The following ARHGDIB variants were observed in gnomAD, a reference collection of about 807,000 sequenced individuals.
The protein encoded by ARHGDIB is Rho GDP dissociation inhibitor beta, also known as rho GDP-dissociation inhibitor 2.
Under a neutral mutation model 22.6 loss-of-function variants are expected in ARHGDIB, and 20 were observed. The observed-to-expected ratio is 0.88, with a 90% confidence interval of 0.62 to 1.28. ARHGDIB has a LOEUF of 1.28. Among genes scored for constraint, ARHGDIB ranks in the 50% most tolerant of loss-of-function variants. The pLI is 0.00. For synonymous variants in ARHGDIB, 114 were observed against 96.1 expected, an observed-to-expected ratio of 1.19 and a Z score of -1.09; for missense variants, 254 against 245.4, an observed-to-expected ratio of 1.04 and a Z score of -0.23.
rs148366885 is a variant in ARHGDIB at position 14,960,063 on chromosome 12, C to A, written c.-13+1474G>T. ...CAACAGGTGCCATGGTCCTCTTGAT[C>A]TCCTGTGCCTGACCATCCCTGCAGT... On this transcript the variant is annotated intron_variant, in intron 1 of 5. Transcript: ENST00000228945. Among the ~76,000 whole-genome samples the A allele has an allele frequency of 9.8e-3, 1,490 of 152,310 alleles. 24 individuals carry two copies. Among genetic ancestry groups the A allele is most frequent in the African/African-American group, 0.034 (1,398 of 41,558 alleles).
At chr12:14,960,507 T>A (rs1864387957) in intron 1 of ARHGDIB, among the ~76,000 whole-genome samples, 2 of 152,222 alleles carry the variant, frequency 1.3e-5, no homozygotes. Context: ...TCATTATTAA[T>A]ATTTTTATTT....
At chr12:14,961,233 G>C in intron 1 of ARHGDIB, 1 of 152,056 alleles carries the variant, frequency 6.6e-6, no homozygotes, top group Non-Finnish European at 1.5e-5. Flanking sequence ...ACCCCTCCAG[G>C]CACTCCCGGT....
chr12:14,943,541 G>T (rs1863933473), intron 5 of ARHGDIB, among the ~76,000 whole-genome samples: 1 of 152,088 alleles, frequency 6.6e-6, no homozygotes. Flanking sequence ...GTATATGATG[G>T]ACTTTAAGGA....
Position 14,944,807 on chromosome 12 carries a change from G to A in ARHGDIB, c.375C>T (p.Tyr125=), listed in dbSNP as rs368730823. ...CCCCAGTCCTGTAGGTGTGCTGAAC[G>A]TATTTCAGGCCTGACACAATATCCC... ...VNRDIVSGLK[Y]VQHTYRTGVK... is the part of the protein sequence containing the mutation. The change falls in exon 5 of 6, where the codon TAC becomes TAT. Residue 125 remains tyrosine, a synonymous_variant. Transcript: ENST00000228945. 4.0e-5 allele frequency: 64 copies of A among 1,613,442 alleles called. No individual in the cohort carries two copies. The highest frequency in any genetic ancestry group is 2.9e-4 in the South Asian group (26 of 90,966).
intron 1 of ARHGDIB, among the ~76,000 whole-genome samples, chr12:14,958,743 A>T (rs902158558): frequency 6.6e-6 from 1 of 152,220 alleles, no homozygotes; most frequent in Non-Finnish European, 1.5e-5. Flanking sequence ...TTGTGCTAAG[A>T]TTATTAGGCT....
At chr12:14,946,812 T>G (rs1287505054) in intron 4 of ARHGDIB, among the ~76,000 whole-genome samples, 1 of 152,200 alleles carries the variant, frequency 6.6e-6, no homozygotes, top group East Asian at 1.9e-4. Flanking sequence ...CATCAATGAT[T>G]AAAAATGAAA....
chr12:14,950,879 G>A (rs1426299191), intron 1 of ARHGDIB, 155 bp from the exon 2 acceptor site: 1 of 589,856 alleles, frequency 1.7e-6, no homozygotes, highest in Non-Finnish European at 2.8e-6. Flanking sequence ...TAAATTCTAT[G>A]AAATAATAAT....
At position 14,942,301 on chromosome 12, in the gene ARHGDIB, C is replaced by A; in HGVS notation, c.*221G>T. 1.8e-6 allele frequency: 1 copy of A among 567,994 alleles called. No individual in the cohort carries two copies. The allele number at this position is 567,994 out of a possible 1,614,324, so 35.2% of individuals were successfully genotyped here. A position where few individuals can be genotyped will look rare whatever the true frequency, so the allele number is the denominator to read the frequency against. ...GAGATGGAGACGTGGAAGATCTGGC[C>A]CTGATGGAGGATCAGAGGGAGCAGG... On this transcript the variant is annotated 3_prime_UTR_variant, in exon 6 of 6. Transcript: ENST00000228945.
intron 1 of ARHGDIB, among the ~76,000 whole-genome samples, chr12:14,960,281 G>C (rs1864384210): frequency 6.6e-6 from 1 of 152,178 alleles, no homozygotes; most frequent in South Asian, 2.1e-4. Context: ...GAAACATGCT[G>C]GCTGGGAAGT....
rs140719603 is a variant in ARHGDIB, at chr12:14,950,641, A to G, written c.72T>C (p.Tyr24=). The G allele has an allele frequency of 2.0e-5, 33 of 1,613,916 alleles. No homozygotes were observed. Among genetic ancestry groups the G allele is most frequent in the African/African-American group, 2.7e-5 (2 of 74,908 alleles). ...TCAGGGACTTCTGTGGTGGAGGCTT[A>G]TAATTGAGCTTGCTGTCCAGCTCAT... ...DDDELDSKLN[Y]KPPPQKSLKE... Residue 24 remains tyrosine (Y), a synonymous_variant, in exon 2 of 6, where the codon TAT becomes TAC. Transcript: ENST00000228945.
chr12:14,956,946 G>A (rs1864312875), intron 1 of ARHGDIB, among the ~76,000 whole-genome samples: 1 of 152,204 alleles, frequency 6.6e-6, no homozygotes, highest in Non-Finnish European at 1.5e-5. Flanking sequence ...GACTTTGAAA[G>A]TGAATTACAC....
At chr12:14,946,990 T>C (rs1864031361) in intron 4 of ARHGDIB, among the ~76,000 whole-genome samples, 1 of 152,190 alleles carries the variant, frequency 6.6e-6, no homozygotes, top group Non-Finnish European at 1.5e-5. Flanking sequence ...TTTTCAGTTA[T>C]ATTTGTATGG....
Position 14,946,109 on chromosome 12 carries a change from G to A in ARHGDIB, c.343-1270C>T, listed in dbSNP as rs150519616. Among the ~76,000 whole-genome samples, 9 of 152,282 alleles carry A rather than the reference G, an allele frequency of 5.9e-5. No individual in the cohort carries two copies. In the East Asian group the frequency reaches 1.5e-3, roughly 26 times the overall value. On this transcript the variant is annotated intron_variant, in intron 4 of 5. Transcript: ENST00000228945. The stretch of plus-strand genomic sequence containing the variant: ...TTTAATATAAATACATTTGGGGTGG[G>A]TGAAATAAAACTATGAATATTCATA...
At chr12:14,948,100 G>GCGCGCACACACACACACACACACA (rs71926892) in intron 3 of ARHGDIB, 151 bp from the exon 4 acceptor site, 1 of 410,012 alleles carries the variant, frequency 2.4e-6, no homozygotes, top group Non-Finnish European at 4.5e-6. Context: ...TTTAGTCCTT[G>GCGCGCACACACACACACACACACA]CACACACACA....
intron 2 of ARHGDIB, 146 bp from the exon 3 acceptor site, chr12:14,950,031 A>G: frequency 1.3e-6 from 1 of 750,908 alleles, no homozygotes; most frequent in Non-Finnish European, 2.1e-6. Flanking sequence ...CAGGTTTGCT[A>G]TGCTTGGTCT....
intron 3 of ARHGDIB, among the ~76,000 whole-genome samples, chr12:14,949,188 C>G (rs1323441454): frequency 6.6e-6 from 1 of 152,124 alleles, no homozygotes; most frequent in Non-Finnish European, 1.5e-5. Context: ...CCCATTTCCT[C>G]CACAATAACC....
chr12:14,947,543 G>A lies in ARHGDIB; in HGVS notation c.342+330C>T, dbSNP rs528787690. The A allele has an allele frequency of 3.7e-5, 8 of 214,438 alleles. No homozygotes were observed. In the South Asian group the frequency reaches 8.9e-4, roughly 24 times the overall value. 13.3% of individuals were successfully genotyped at this position (214,438 alleles called of 1,614,324 possible). ...GATGTACAATTTCACCCTAGATTGA[G>A]GTGCTTATATTCTATGAAGAAGAAA... On this transcript the variant is annotated intron_variant, in intron 4 of 5. Transcript: ENST00000228945.
At chr12:14,951,235 C>T (rs973840198) in intron 1 of ARHGDIB, 1 of 153,264 alleles carries the variant, frequency 6.5e-6, no homozygotes, top group African/African-American at 2.4e-5. Flanking sequence ...GGAATCTGTC[C>T]CTGAACTCCA....
chr12:14,960,606 T>G (rs1864390461), intron 1 of ARHGDIB, among the ~76,000 whole-genome samples: 1 of 152,128 alleles, frequency 6.6e-6, no homozygotes, highest in African/African-American at 2.4e-5. Context: ...TGGGTTCAAG[T>G]GATTCTCCTG....
Sources: gnomAD v4.1 joint callset for allele counts (sites outside exome capture counted in the v4.1 genomes callset) on GRCh38, gnomAD v4.1.1 for gene constraint, MANE v1.5 for transcripts, NCBI Gene and HGNC (gene_info 2026-07-23, HGNC 2026-07-21) for gene names.